FUBP3: variants seen among roughly 807,000 people sequenced by gnomAD.
The protein encoded by FUBP3 is far upstream element-binding protein 3.
In FUBP3, 28 loss-of-function variants were observed where a neutral mutation model predicts 85.6. The ratio of observed to expected loss-of-function variants is 0.33; its 90% CI spans 0.24 to 0.45. The LOEUF (loss-of-function observed/expected upper bound fraction) is 0.45, where lower values mean the gene tolerates loss of function less well. Ranked by LOEUF, FUBP3 falls within the 20% of genes least tolerant of loss-of-function variation. The probability of loss-of-function intolerance (pLI) is 1.00; values close to 1 mark genes in which losing one functional copy is unlikely to be tolerated. For synonymous variants in FUBP3, 271 were observed against 271.4 expected (o/e 1.00, Z 0.01); for missense variants, 583 against 755.1 (o/e 0.77, Z 2.67).
chr9:130,605,844 C>T (rs1292323771), intron 2 of FUBP3, among the ~76,000 whole-genome samples: 1 of 152,190 alleles, frequency 6.6e-6, no homozygotes, highest in Non-Finnish European at 1.5e-5. Context: ...ATTAGCCAGG[C>T]ATGGCGGCAC....
intron 8 of FUBP3, among the ~76,000 whole-genome samples, chr9:130,619,466 A>C (rs1829644524): frequency 6.6e-6 from 1 of 152,142 alleles, no homozygotes; most frequent in Non-Finnish European, 1.5e-5. Context: ...ATCCTTAAGC[A>C]TGTGTCTCCT....
chr9:130,605,091 C>G (rs894993858), intron 2 of FUBP3, among the ~76,000 whole-genome samples: 3 of 152,040 alleles, frequency 2.0e-5, no homozygotes, highest in African/African-American at 7.2e-5. Context: ...GTTGTGACCC[C>G]CTATATTGAT....
chr9:130,610,827 G>GT (rs1831706143), intron 3 of FUBP3, among the ~76,000 whole-genome samples: 1 of 152,034 alleles, frequency 6.6e-6, no homozygotes, highest in Non-Finnish European at 1.5e-5. Flanking sequence ...TTATCCTGGG[G>GT]TTTTTTTGGT....
intron 12 of FUBP3, among the ~76,000 whole-genome samples, chr9:130,628,868 C>G (rs1321920608): frequency 2.0e-5 from 3 of 152,200 alleles, no homozygotes; most frequent in East Asian, 1.9e-4. Context: ...CTCTGGGGTT[C>G]AAGCGATTCT....
In FUBP3 at chr9:130,590,021, A is replaced by ATTTT. The variant is rs60878897; in HGVS notation, c.85-5435_85-5432dup. 5.3e-3 allele frequency among the ~76,000 whole-genome samples: 245 copies of ATTTT among 46,006 alleles called. 17 individuals are homozygous for ATTTT. The highest frequency in any genetic ancestry group is 9.7e-3 in the African/African-American group (101 of 10,456). The allele number at this position is 46,006 out of a possible 152,430, so 30.2% of individuals were successfully genotyped here. A position where few individuals can be genotyped will look rare whatever the true frequency, so the allele number is the denominator to read the frequency against. ...TGAGCCACCACACCCGGCCTATTTA[A>ATTTT]TTTTTTTTTTTTTTTTTTTTTTTTT... On this transcript the variant is annotated intron_variant, in intron 1 of 18. Coordinates refer to ENST00000319725, the MANE Select transcript of FUBP3 (RefSeq NM_003934.2).
In FUBP3 at chr9:130,636,050, T is replaced by C; in HGVS notation, c.1634T>C (p.Met545Thr). 2.5e-6 allele frequency: 4 copies of C among 1,613,874 alleles called. No homozygotes were observed. In the African/African-American group the frequency reaches 4.0e-5, roughly 16 times the overall value. Reference sequence around the variant, plus strand: ...GCCAGCTCCCCACCGGACTACACAATGGCCTGGGCAGAATATTACAGACAG... The same window carrying C: ...GCCAGCTCCCCACCGGACTACACAACGGCCTGGGCAGAATATTACAGACAG... ...PQASSPPDYT[M>T]AWAEYYRQQV... The change falls in exon 18 of 19, where the codon ATG becomes ACG. Residue 545 changes from methionine (M) to threonine (T), a missense_variant. Transcript: ENST00000319725.
intron 11 of FUBP3, among the ~76,000 whole-genome samples, chr9:130,624,273 G>A (rs1408288738): frequency 6.6e-6 from 1 of 152,228 alleles, no homozygotes; most frequent in Non-Finnish European, 1.5e-5. Flanking sequence ...TGTGACCTTG[G>A]AGCTGCCTTT....
At chr9:130,606,391 C>T (rs961394280) in intron 2 of FUBP3, among the ~76,000 whole-genome samples, 2 of 152,150 alleles carry the variant, frequency 1.3e-5, no homozygotes, top group East Asian at 1.9e-4. Flanking sequence ...TCTCCCCACC[C>T]CCCCCCAACA....
Position 130,579,765 on chromosome 9 carries a change from G to A in FUBP3, c.84+1G>A. The A allele has an allele frequency of 7.8e-7, 1 of 1,276,956 alleles. No individual in the cohort carries two copies. Among genetic ancestry groups the A allele is most frequent in the Non-Finnish European group, 9.9e-7 (1 of 1,009,276 alleles). 79.1% of individuals were successfully genotyped at this position (1,276,956 alleles called of 1,614,324 possible). Reference sequence around the variant, plus strand: ...GGATGCCCTGCACCGGGTCCGGCAGGTACGGGCGCAGCCGGCTGGCAGGAG... The same window carrying A: ...GGATGCCCTGCACCGGGTCCGGCAGATACGGGCGCAGCCGGCTGGCAGGAG... On this transcript the variant is annotated splice_donor_variant, in intron 1 of 18. Coordinates refer to ENST00000319725, the MANE Select transcript of FUBP3 (RefSeq NM_003934.2). LOFTEE classifies it high-confidence loss of function.
Position 130,626,444 on chromosome 9 carries a change from T to C in FUBP3, c.1056T>C (p.Gly352=), listed in dbSNP as rs1588159312. ...GCGACTGGAGCGTGGGAGCCCCTGG[T>C]GGCGTCCAGGAGATAACATACACGG... is the stretch of plus-strand genomic sequence containing the variant. ...GRGDWSVGAP[G]GVQEITYTVP... is the part of the protein sequence containing the mutation. The change falls in exon 12 of 19, where the codon GGT becomes GGC. Residue 352 remains glycine, a synonymous_variant. Transcript: ENST00000319725. 6.2e-7 allele frequency: 1 copy of C among 1,613,850 alleles called. No individual in the cohort carries two copies. The highest frequency in any genetic ancestry group is 1.3e-5 in the African/African-American group (1 of 74,894).
intron 2 of FUBP3, 116 bp downstream of exon 2, chr9:130,595,704 G>A (rs575222908): frequency 6.9e-6 from 5 of 722,072 alleles, no homozygotes; most frequent in Non-Finnish European, 1.3e-5. Context: ...TGAGAAGAAA[G>A]GTTGAAGGGA....
chr9:130,587,568 T>C (rs898349989), intron 1 of FUBP3, among the ~76,000 whole-genome samples: 1 of 152,228 alleles, frequency 6.6e-6, no homozygotes, highest in Non-Finnish European at 1.5e-5. Flanking sequence ...AGCAGGTGTT[T>C]AATGAGCACC....
At chr9:130,618,464 G>A (rs917317284) in intron 8 of FUBP3, among the ~76,000 whole-genome samples, 3 of 152,254 alleles carry the variant, frequency 2.0e-5, no homozygotes, top group Non-Finnish European at 4.4e-5. Flanking sequence ...AGTGTCCTGC[G>A]CCCCGAGCTG....
chr9:130,596,690 AC>A (rs1221431016), intron 2 of FUBP3: 1 of 448,888 alleles, frequency 2.2e-6, no homozygotes, highest in Middle Eastern at 3.3e-4. Flanking sequence ...CAGTTCATAG[AC>A]TTGTTTGCAA....
At chr9:130,599,454 A>G (rs1001165032) in intron 2 of FUBP3, among the ~76,000 whole-genome samples, 1 of 151,754 alleles carries the variant, frequency 6.6e-6, no homozygotes, top group African/African-American at 2.4e-5. Flanking sequence ...TTTGTTCCTG[A>G]TATAGAAAGG....
intron 2 of FUBP3, among the ~76,000 whole-genome samples, chr9:130,598,453 C>CGTTAGTGA (rs1830975201): frequency 6.6e-6 from 1 of 152,178 alleles, no homozygotes; most frequent in South Asian, 2.1e-4. Context: ...AGACACTGTC[C>CGTTAGTGA]GTTAGTGAGG....
chr9:130,589,835 C>G (rs1401604758), intron 1 of FUBP3, among the ~76,000 whole-genome samples: 1 of 148,856 alleles, frequency 6.7e-6, no homozygotes, highest in Non-Finnish European at 1.5e-5. Flanking sequence ...CTCAGCCTCC[C>G]AAGAAGCTAA....
chr9:130,622,049 G>A (rs1413114364), intron 9 of FUBP3, among the ~76,000 whole-genome samples: 8 of 151,508 alleles, frequency 5.3e-5, no homozygotes, highest in African/African-American at 7.3e-5. Flanking sequence ...TGGGCCGGGC[G>A]TGGTGGCTCG....
chr9:130,625,382 C>CG (rs1277247382), intron 11 of FUBP3, among the ~76,000 whole-genome samples: 3 of 152,206 alleles, frequency 2.0e-5, no homozygotes, highest in African/African-American at 7.2e-5. Context: ...GAGCAGAGTG[C>CG]GGGGGAAAAG....
Sources: gnomAD v4.1 joint callset for allele counts (sites outside exome capture counted in the v4.1 genomes callset) on GRCh38, gnomAD v4.1.1 for gene constraint, MANE v1.5 for transcripts, NCBI Gene and HGNC (gene_info 2026-07-23, HGNC 2026-07-21) for gene names.